ZNF37A: variants seen among roughly 807,000 people sequenced by gnomAD.
ZNF37A encodes zinc finger protein 37A.
Under a neutral mutation model 12.3 loss-of-function variants are expected in ZNF37A, and 10 were observed. The ratio of observed to expected loss-of-function variants is 0.82; its 90% CI spans 0.50 to 1.38. ZNF37A has a LOEUF of 1.38. Among genes scored for constraint, ZNF37A ranks in the 40% most tolerant of loss-of-function variants. The pLI is 0.00. For synonymous variants in ZNF37A, 207 were observed against 223.0 expected (o/e 0.93, Z 0.64); for missense variants, 580 against 651.2 (o/e 0.89, Z 1.19).
chr10:38,107,881 T>TA (rs2068264856), intron 5 of ZNF37A, among the ~76,000 whole-genome samples: 1 of 152,200 alleles, frequency 6.6e-6, no homozygotes, highest in Admixed American at 6.5e-5. Flanking sequence ...CAAAGACACT[T>TA]AGACTCCTAC....
rs2069648360 is a variant in ZNF37A at position 38,120,809 on chromosome 10, T to C, written c.*1972T>C. On this transcript the variant is annotated 3_prime_UTR_variant, in exon 8 of 8. Coordinates refer to ENST00000685332, the MANE Select transcript of ZNF37A (RefSeq NM_001324250.3). ...AAACACATATAATTTCTCAAGAAAT[T>C]TCCAGATGTCTCATGCTGCATAGGG... is the stretch of plus-strand genomic sequence containing the variant. 6.6e-6 allele frequency: 1 copy of C among 152,194 alleles called. No homozygotes were observed. Among genetic ancestry groups the C allele is most frequent in the Admixed American group, 6.5e-5 (1 of 15,272 alleles). 9.4% of individuals were successfully genotyped at this position (152,194 alleles called of 1,614,324 possible). A position where few individuals can be genotyped will look rare whatever the true frequency, so the allele number is the denominator to read the frequency against.
intron 7 of ZNF37A, among the ~76,000 whole-genome samples, chr10:38,116,501 G>A (rs1342143194): frequency 6.6e-6 from 1 of 152,114 alleles, no homozygotes; most frequent in Non-Finnish European, 1.5e-5. Flanking sequence ...ATGGGAATGA[G>A]CAATTTATGA....
downstream of ZNF37A, among the ~76,000 whole-genome samples, chr10:38,126,518 A>G (rs2069930401): frequency 6.6e-6 from 1 of 152,200 alleles, no homozygotes; most frequent in East Asian, 1.9e-4. Context: ...GGCTTTCTGT[A>G]TAGTGAGCAA....
chr10:38,107,010 C>G (rs2068157914), intron 5 of ZNF37A, among the ~76,000 whole-genome samples: 1 of 152,064 alleles, frequency 6.6e-6, no homozygotes, highest in Non-Finnish European at 1.5e-5. Flanking sequence ...GATAACACCA[C>G]AAAGATACTC....
At chr10:38,112,748 T>G (rs182230988) in intron 5 of ZNF37A, among the ~76,000 whole-genome samples, 6,495 of 72,708 alleles carry the variant, frequency 0.089, 1,365 homozygotes, top group African/African-American at 0.16. Context: ...TTCTTTTCTT[T>G]TCTTTTCTTT....
intron 7 of ZNF37A, chr10:38,137,790 A>T (rs1253064322): frequency 2.0e-5 from 3 of 152,244 alleles, no homozygotes; most frequent in African/African-American, 4.8e-5. Context: ...AAGTGTTCAA[A>T]ATAAACTACG....
rs28808384 is a variant in ZNF37A at position 38,108,205 on chromosome 10, A to C, written c.16-6550A>C. ...ACCAGGATTAAGAAACTCACTCAAAACTGCACAATTACATGAAAACTGAAC... is the reference window on the plus strand; with the variant it reads ...ACCAGGATTAAGAAACTCACTCAAACCTGCACAATTACATGAAAACTGAAC... On this transcript the variant is annotated intron_variant, in intron 5 of 7. Transcript: ENST00000685332. Among the ~76,000 whole-genome samples the C allele has an allele frequency of 7.1e-3, 1,086 of 152,298 alleles. 16 individuals carry two copies. Among genetic ancestry groups the C allele is most frequent in the African/African-American group, 0.025 (1,033 of 41,556 alleles).
exon 8 of ZNF37A, chr10:38,148,350 A>G (rs767240294): frequency 4.6e-5 from 7 of 152,264 alleles, no homozygotes; most frequent in Non-Finnish European, 1.0e-4. Flanking sequence ...TAAGTTATGC[A>G]AACTGTCCAA....
rs140844859 is a variant in ZNF37A at position 38,132,576 on chromosome 10, A to C, written c.239-14156A>C. Among the ~76,000 whole-genome samples, 543 of 152,286 alleles carry C rather than the reference A, an allele frequency of 3.6e-3. 9 individuals are homozygous for C. In the South Asian group the frequency reaches 0.05, roughly 14 times the overall value. ...AGTTTCAGTACAATATTTAATAAAT[A>C]AAGTAAGATAGTCAACACTTTATTA... is the stretch of plus-strand genomic sequence containing the variant. On this transcript the variant is annotated intron_variant, in intron 7 of 7. Transcript: ENST00000638053.
chr10:38,136,684 C>A (rs1402746335), intron 7 of ZNF37A, among the ~76,000 whole-genome samples: 1 of 152,094 alleles, frequency 6.6e-6, no homozygotes, highest in East Asian at 1.9e-4. Context: ...GTAGATTCAT[C>A]TTTTTGCATA....
intron 7 of ZNF37A, chr10:38,143,635 T>C (rs1163721770): frequency 6.6e-6 from 1 of 152,198 alleles, no homozygotes; most frequent in Non-Finnish European, 1.5e-5. Flanking sequence ...TGAATGAGCA[T>C]TTATGAACTG....
intron 7 of ZNF37A, among the ~76,000 whole-genome samples, chr10:38,134,177 G>T (rs1477013954): frequency 6.6e-6 from 1 of 152,098 alleles, no homozygotes; most frequent in Non-Finnish European, 1.5e-5. Context: ...ATTCTAGTTA[G>T]CCATTCGTCC....
chr10:38,112,751 T>TC (rs1564931966), intron 5 of ZNF37A, among the ~76,000 whole-genome samples: 1 of 48,516 alleles, frequency 2.1e-5, no homozygotes, highest in African/African-American at 8.0e-5. Flanking sequence ...TTTTCTTTTC[T>TC]TTTCTTTTCT....
chr10:38,100,525 G>T (rs995223041), intron 5 of ZNF37A, among the ~76,000 whole-genome samples: 1 of 152,150 alleles, frequency 6.6e-6, no homozygotes, highest in Non-Finnish European at 1.5e-5. Context: ...AGAAAATTCA[G>T]CGATATTTCT....
At chr10:38,128,813 G>A (rs531409918), downstream of ZNF37A, among the ~76,000 whole-genome samples, 1 of 152,268 alleles carries the variant, frequency 6.6e-6, no homozygotes, top group Non-Finnish European at 1.5e-5. Context: ...GAGTGCAGTG[G>A]CATGATCTTG....
chr10:38,139,777 A>G (rs1356377180), intron 7 of ZNF37A: 1 of 152,190 alleles, frequency 6.6e-6, no homozygotes, highest in Non-Finnish European at 1.5e-5. Flanking sequence ...GTGTCTCAAA[A>G]TTAATAATTT....
intron 5 of ZNF37A, among the ~76,000 whole-genome samples, chr10:38,104,919 C>T (rs2067920839): frequency 6.6e-6 from 1 of 152,040 alleles, no homozygotes; most frequent in Non-Finnish European, 1.5e-5. Flanking sequence ...ATCTTTGTAA[C>T]TTCTTTCTTC....
chr10:38,100,148 C>T (rs569316853), intron 5 of ZNF37A, among the ~76,000 whole-genome samples: 3 of 152,100 alleles, frequency 2.0e-5, no homozygotes, highest in South Asian at 2.1e-4. Context: ...AGGGAGTATG[C>T]GAATAGGTGT....
intron 7 of ZNF37A, among the ~76,000 whole-genome samples, chr10:38,145,960 C>T (rs541250272): frequency 7.9e-5 from 12 of 151,968 alleles, no homozygotes; most frequent in Non-Finnish European, 1.3e-4. Context: ...ATTAGCCAGG[C>T]GTGGTGGTGG....
Sources: allele counts gnomAD v4.1 joint callset (sites outside exome capture counted in the v4.1 genomes callset), GRCh38; gene constraint gnomAD v4.1.1; transcripts MANE v1.5; gene names NCBI Gene and HGNC (gene_info 2026-07-23, HGNC 2026-07-21).